The following NAA11 variants were observed in gnomAD, a reference collection of about 807,000 sequenced individuals.
NAA11 encodes N-alpha-acetyltransferase 11.
NAA11 carries 15 observed loss-of-function variants against 16.1 expected under a neutral mutation model. The ratio of observed to expected loss-of-function variants is 0.93; its 90% confidence interval spans 0.62 to 1.44. The LOEUF (loss-of-function observed/expected upper bound fraction) is 1.44, where lower values mean the gene tolerates loss of function less well. Ranked by LOEUF, NAA11 falls within the 40% of genes most tolerant of loss-of-function variation. The pLI is 0.00. For missense variants in NAA11, 298 were observed against 291.3 expected (o/e 1.02, Z -0.17); for synonymous variants, 122 against 112.4 (o/e 1.09, Z -0.54).
chr4:79,237,396 C>T (rs1343500696), intron 2 of NAA11, among the ~76,000 whole-genome samples: 1 of 152,318 alleles, frequency 6.6e-6, no homozygotes, highest in African/African-American at 2.4e-5. Context: ...AAGGTGTGTG[C>T]ACACATGTTT....
chr4:79,194,093 A>G, the NAA11 span, among the ~76,000 whole-genome samples: 3 of 152,122 alleles, frequency 2.0e-5, no homozygotes, highest in South Asian at 2.1e-4. Context: ...ACTTTGCTGA[A>G]GTTGCCTATC....
At chr4:79,193,985 G>T in the NAA11 span, among the ~76,000 whole-genome samples, 1 of 152,230 alleles carries the variant, frequency 6.6e-6, no homozygotes, top group East Asian at 1.9e-4. Flanking sequence ...TCTCTTTGAA[G>T]CAACTGTGAA....
downstream of NAA11, among the ~76,000 whole-genome samples, chr4:79,316,385 A>C (rs1449138533): frequency 6.6e-6 from 1 of 152,200 alleles, no homozygotes; most frequent in Non-Finnish European, 1.5e-5. Context: ...TCATGTAGGG[A>C]AAAACTTTTA....
At chr4:79,226,340 A>C (rs555641597) in intron 2 of NAA11, 6 of 152,188 alleles carry the variant, frequency 3.9e-5, no homozygotes, top group African/African-American at 1.4e-4. Context: ...TGAAAGTTGC[A>C]CACATCTCTT....
intron 2 of NAA11, among the ~76,000 whole-genome samples, chr4:79,290,130 G>A (rs1013973568): frequency 1.3e-5 from 2 of 152,140 alleles, no homozygotes; most frequent in African/African-American, 2.4e-5. Context: ...AGCAGAGAAC[G>A]CTGGGTCTCT....
chr4:79,256,651 A>ATATATATATATATATATATAT (rs1722113513), intron 2 of NAA11, among the ~76,000 whole-genome samples: 13 of 130,738 alleles, frequency 9.9e-5, no homozygotes, highest in African/African-American at 3.4e-4. Context: ...TATAAATATA[A>ATATATATATATATATATATAT]ATATATATAT....
the NAA11 span, among the ~76,000 whole-genome samples, chr4:79,215,438 C>G: frequency 2.7e-3 from 405 of 152,290 alleles, no homozygotes; most frequent in Non-Finnish European, 4.5e-3. Context: ...TCCAGTCCCC[C>G]CTAAAAAGAA....
the NAA11 span, among the ~76,000 whole-genome samples, chr4:79,214,270 T>C: frequency 6.6e-6 from 1 of 152,222 alleles, no homozygotes; most frequent in Admixed American, 6.5e-5. Flanking sequence ...GAAATGTTAA[T>C]GCAATGGAGA....
chr4:79,315,924 C>T (rs766514405), downstream of NAA11, among the ~76,000 whole-genome samples: 3 of 152,078 alleles, frequency 2.0e-5, no homozygotes, highest in Admixed American at 6.6e-5. Context: ...TCTCCTGGTA[C>T]GAGACTGGGA....
intron 2 of NAA11, among the ~76,000 whole-genome samples, chr4:79,256,216 A>G (rs1722103961): frequency 6.6e-6 from 1 of 152,098 alleles, no homozygotes; most frequent in East Asian, 1.9e-4. Context: ...TATTTTTACA[A>G]TTTAATTCTT....
the NAA11 span, among the ~76,000 whole-genome samples, chr4:79,194,242 T>C: frequency 6.6e-6 from 1 of 152,194 alleles, no homozygotes; most frequent in East Asian, 1.9e-4. Flanking sequence ...GTATTGAATC[T>C]ATAAATTGCT....
downstream of NAA11, among the ~76,000 whole-genome samples, chr4:79,313,252 G>A (rs966800704): frequency 1.3e-5 from 2 of 152,084 alleles, no homozygotes; most frequent in African/African-American, 2.4e-5. Context: ...AAATTACAAT[G>A]CAGGTTTTTT....
At chr4:79,284,544 T>A (rs1212251590) in intron 2 of NAA11, among the ~76,000 whole-genome samples, 1 of 152,074 alleles carries the variant, frequency 6.6e-6, no homozygotes, top group Admixed American at 6.6e-5. Flanking sequence ...ATTCTAGTTA[T>A]TGTTGTTTCT....
chr4:79,267,447 A>G (rs922344637), intron 2 of NAA11, among the ~76,000 whole-genome samples: 2 of 152,216 alleles, frequency 1.3e-5, no homozygotes, highest in South Asian at 4.1e-4. Context: ...TGGACAGGTC[A>G]TAGAATGCTT....
intron 2 of NAA11, among the ~76,000 whole-genome samples, chr4:79,270,356 T>A (rs1404047582): frequency 4.0e-5 from 6 of 151,842 alleles, no homozygotes; most frequent in Non-Finnish European, 4.4e-5. Context: ...AATAGACCAA[T>A]AACAGGAGCT....
the NAA11 span, among the ~76,000 whole-genome samples, chr4:79,203,955 C>T: frequency 6.6e-6 from 1 of 151,842 alleles, no homozygotes; most frequent in East Asian, 1.9e-4. Flanking sequence ...CAAATTGGAA[C>T]ATCAAATGGA....
At chr4:79,220,437 C>G in the NAA11 span, among the ~76,000 whole-genome samples, 4 of 143,046 alleles carry the variant, frequency 2.8e-5, no homozygotes, top group South Asian at 2.3e-4. Context: ...GTGTGTGTGT[C>G]TGTGTGTGTG....
chr4:79,161,908 C>T, the NAA11 span, among the ~76,000 whole-genome samples: 1 of 152,254 alleles, frequency 6.6e-6, no homozygotes, highest in African/African-American at 2.4e-5. Flanking sequence ...GTCTCGAACT[C>T]CTGACCTCAT....
At chr4:79,210,147 C>A in the NAA11 span, among the ~76,000 whole-genome samples, 15 of 151,970 alleles carry the variant, frequency 9.9e-5, no homozygotes, top group Non-Finnish European at 1.5e-4. Flanking sequence ...CACTCGGGTG[C>A]GAGTGGGCTG....
Sources: allele counts gnomAD v4.1 joint callset (sites outside exome capture counted in the v4.1 genomes callset), GRCh38; gene constraint gnomAD v4.1.1; transcripts MANE v1.5; gene names NCBI Gene and HGNC (gene_info 2026-07-23, HGNC 2026-07-21).